The following DCAKD variants were observed in gnomAD, a reference collection of about 807,000 sequenced individuals.
The protein encoded by DCAKD is dephospho-CoA kinase domain-containing protein.
DCAKD carries 15 observed loss-of-function variants against 18.7 expected under a neutral mutation model. That is an observed-to-expected ratio of 0.80 (90% CI 0.54 to 1.24). The LOEUF (loss-of-function observed/expected upper bound fraction) is 1.24. Ranked by LOEUF, DCAKD falls within the 50% of genes most tolerant of loss-of-function variation. DCAKD has a pLI of 0.00. For synonymous variants in DCAKD, 130 were observed against 133.0 expected, an observed-to-expected ratio of 0.98 and a Z score of 0.16; for missense variants, 301 against 322.0, an observed-to-expected ratio of 0.93 and a Z score of 0.50.
At chr17:45,026,725 T>TA in intron 4 of DCAKD, 4 of 985,444 alleles carry the variant, frequency 4.1e-6, no homozygotes, top group Non-Finnish European at 3.6e-6. Context: ...TTTCCTCTGT[T>TA]ACGGGGTCAG....
intron 1 of DCAKD, among the ~76,000 whole-genome samples, chr17:45,048,574 T>C (rs901418628): frequency 1.3e-5 from 2 of 151,990 alleles, no homozygotes; most frequent in Non-Finnish European, 2.9e-5. Flanking sequence ...GAGGCAGACG[T>C]TGCAGTAAGC....
intron 1 of DCAKD, among the ~76,000 whole-genome samples, chr17:45,049,429 G>A (rs1375312535): frequency 2.0e-5 from 3 of 150,776 alleles, no homozygotes; most frequent in Non-Finnish European, 4.4e-5. Flanking sequence ...ATCCCATCTC[G>A]GAAAAAATAA....
rs570780864 is a variant in DCAKD, at chr17:45,042,971, G to A, written c.-114-7972C>T. On this transcript the variant is annotated intron_variant, in intron 1 of 4. Transcript: ENST00000651974. ...CCATCACTCCAGCTTTCATGAATGAGCAGGGAGGCTGTTTGGACTGGACTA... is the reference window on the plus strand; with the variant it reads ...CCATCACTCCAGCTTTCATGAATGAACAGGGAGGCTGTTTGGACTGGACTA... 7.2e-5 allele frequency among the ~76,000 whole-genome samples: 11 copies of A among 152,330 alleles called. No individual in the cohort carries two copies. In the South Asian group the frequency reaches 2.3e-3, roughly 32 times the overall value.
At chr17:45,026,936 G>A (rs2053067992) in intron 4 of DCAKD, 1 of 440,360 alleles carries the variant, frequency 2.3e-6, no homozygotes, top group Non-Finnish European at 3.0e-6. Flanking sequence ...CAGCACCTCC[G>A]ACAGCCCTTC....
rs112778221 is a variant in DCAKD, at chr17:45,057,962, G to C, written c.-118+2926C>G. Among the ~76,000 whole-genome samples the C allele has an allele frequency of 1.7e-3, 230 of 135,692 alleles. 1 individual carries two copies. Among genetic ancestry groups the C allele is most frequent in the African/African-American group, 6.1e-3 (216 of 35,678 alleles). 89.0% of individuals were successfully genotyped at this position (135,692 alleles called of 152,430 possible). The stretch of plus-strand genomic sequence containing the variant: ...GAAGGCAGAGGTTGCAATGAGTCGA[G>C]ATTGTGCCACTGCACTCCAACTTGG... On this transcript the variant is annotated intron_variant, in intron 1 of 4. Coordinates refer to the DCAKD transcript ENST00000310604.
intron 1 of DCAKD, 183 bp from the exon 2 acceptor site, chr17:45,035,182 G>T (rs187064901): frequency 3.0e-6 from 1 of 328,250 alleles, no homozygotes; most frequent in East Asian, 7.8e-5. Flanking sequence ...AAAAACACTC[G>T]CAAAGAAGGC....
At chr17:45,043,615 G>A (rs947382605) in intron 1 of DCAKD, among the ~76,000 whole-genome samples, 8 of 152,196 alleles carry the variant, frequency 5.3e-5, no homozygotes, top group African/African-American at 1.7e-4. Flanking sequence ...GGAGACGGGA[G>A]GCGGCACGGA....
upstream of DCAKD, among the ~76,000 whole-genome samples, chr17:45,053,738 A>G (rs932127298): frequency 1.3e-5 from 2 of 151,986 alleles, no homozygotes; most frequent in African/African-American, 4.8e-5. Context: ...TAATTTTTGT[A>G]TTTCTAGTAG....
At chr17:45,032,535 A>G (rs1432510610) in intron 3 of DCAKD, among the ~76,000 whole-genome samples, 1 of 152,096 alleles carries the variant, frequency 6.6e-6, no homozygotes, top group East Asian at 1.9e-4. Flanking sequence ...TTGTATTCCC[A>G]GCACTTTGGG....
intron 4 of DCAKD, among the ~76,000 whole-genome samples, chr17:45,028,434 A>C (rs1181641535): frequency 1.1e-5 from 1 of 91,608 alleles, no homozygotes; most frequent in African/African-American, 4.5e-5. Flanking sequence ...TTTGAGACGG[A>C]GTTTCATTCT....
intron 1 of DCAKD, chr17:45,060,784 C>CAGG: frequency 6.5e-6 from 1 of 154,320 alleles, no homozygotes; most frequent in South Asian, 1.9e-4. Context: ...GGAAGGCGGC[C>CAGG]AGGAGTCAAC....
chr17:45,047,545 G>A (rs1436376041), intron 1 of DCAKD, among the ~76,000 whole-genome samples: 2 of 122,580 alleles, frequency 1.6e-5, no homozygotes, highest in African/African-American at 6.2e-5. Context: ...TCACCCTGTT[G>A]CCCAGGCTGG....
At chr17:45,053,177 A>T (rs931080298), upstream of DCAKD, among the ~76,000 whole-genome samples, 45 of 103,682 alleles carry the variant, frequency 4.3e-4, no homozygotes, top group African/African-American at 1.3e-3. Flanking sequence ...GTTAAAAAAA[A>T]AAAAAAAAAA....
At chr17:45,041,615 C>T (rs954308582) in intron 1 of DCAKD, among the ~76,000 whole-genome samples, 7 of 152,210 alleles carry the variant, frequency 4.6e-5, no homozygotes, top group African/African-American at 1.2e-4. Context: ...CAGCCACATG[C>T]GGGCTCTTTT....
At chr17:45,046,551 G>A (rs900723982) in intron 1 of DCAKD, among the ~76,000 whole-genome samples, 5 of 150,266 alleles carry the variant, frequency 3.3e-5, no homozygotes, top group African/African-American at 1.2e-4. Flanking sequence ...GGGAGGTGGA[G>A]GTTGCAGTGA....
chr17:45,024,352 A>T lies in DCAKD; in HGVS notation c.*81T>A. Reference sequence around the variant, plus strand: ...GTGTGTGTGTGTGGGGAGGGGGCTGAGAGGAAACAGGATGTGTTACCTGGC... The same window carrying T: ...GTGTGTGTGTGTGGGGAGGGGGCTGTGAGGAAACAGGATGTGTTACCTGGC... On this transcript the variant is annotated 3_prime_UTR_variant, in exon 5 of 5. Coordinates refer to ENST00000651974, the MANE Select transcript of DCAKD (RefSeq NM_001288655.2). The T allele has an allele frequency of 1.5e-6, 2 of 1,308,106 alleles. No homozygotes were observed. The highest frequency in any genetic ancestry group is 1.5e-5 in the African/African-American group (1 of 66,714). 81.0% of individuals were successfully genotyped at this position (1,308,106 alleles called of 1,614,324 possible). A position where few individuals can be genotyped will look rare whatever the true frequency, so the allele number is the denominator to read the frequency against.
intron 4 of DCAKD, among the ~76,000 whole-genome samples, chr17:45,026,373 G>A (rs539237711): frequency 4.0e-5 from 6 of 151,660 alleles, no homozygotes; most frequent in African/African-American, 1.5e-4. Flanking sequence ...GACTATAGGC[G>A]CCCGCCACCA....
At chr17:45,037,895 T>A (rs6503411) in intron 1 of DCAKD, among the ~76,000 whole-genome samples, 6 of 150,852 alleles carry the variant, frequency 4.0e-5, no homozygotes, top group Non-Finnish European at 7.4e-5. Flanking sequence ...AACTCCCGAA[T>A]AGCTGGGATT....
upstream of DCAKD, among the ~76,000 whole-genome samples, chr17:45,052,451 C>T (rs1485186723): frequency 6.6e-6 from 1 of 152,168 alleles, no homozygotes; most frequent in Non-Finnish European, 1.5e-5. Flanking sequence ...CATTTGCCCT[C>T]TCATACAAAG....
Sources: gnomAD v4.1 joint callset for allele counts (sites outside exome capture counted in the v4.1 genomes callset) on GRCh38, gnomAD v4.1.1 for gene constraint, MANE v1.5 for transcripts, NCBI Gene and HGNC (gene_info 2026-07-23, HGNC 2026-07-21) for gene names.